The following FRMD6 variants were observed in gnomAD, a reference collection of about 807,000 sequenced individuals.
The protein encoded by FRMD6 is FERM domain-containing protein 6.
Under a neutral mutation model 73.2 loss-of-function variants are expected in FRMD6, and 37 were observed. The observed-to-expected ratio is 0.51, with a 90% CI of 0.39 to 0.66. FRMD6 has a LOEUF of 0.66. Ranked by LOEUF, FRMD6 falls within the 30% of genes least tolerant of loss-of-function variation. FRMD6 has a pLI of 0.00. For synonymous variants in FRMD6, 273 were observed against 282.2 expected (o/e 0.97, Z 0.33); for missense variants, 714 against 780.5 (o/e 0.91, Z 1.02).
At chr14:51,707,819 A>G (rs1012565884) in intron 6 of FRMD6, among the ~76,000 whole-genome samples, 3 of 152,182 alleles carry the variant, frequency 2.0e-5, no homozygotes, top group African/African-American at 7.2e-5. Context: ...TAAAGCAAAG[A>G]TAACTTATTT....
At chr14:51,399,705 C>G in the FRMD6 span, among the ~76,000 whole-genome samples, 1 of 152,110 alleles carries the variant, frequency 6.6e-6, no homozygotes, top group East Asian at 1.9e-4. Context: ...GTGTTTCTCT[C>G]TATCTAAGAG....
chr14:51,539,082 G>T (rs915983076), intron 1 of FRMD6, among the ~76,000 whole-genome samples: 2 of 151,988 alleles, frequency 1.3e-5, no homozygotes, highest in African/African-American at 4.8e-5. Flanking sequence ...TTTTTGATGG[G>T]TCCTGCTTCC....
chr14:51,692,193 A>C (rs1185820455), intron 2 of FRMD6, among the ~76,000 whole-genome samples: 1 of 152,098 alleles, frequency 6.6e-6, no homozygotes, highest in Non-Finnish European at 1.5e-5. Flanking sequence ...AGGGTAACTG[A>C]AATTGTTTTT....
the FRMD6 span, among the ~76,000 whole-genome samples, chr14:51,404,133 C>A: frequency 9.2e-5 from 14 of 152,240 alleles, no homozygotes; most frequent in South Asian, 2.9e-3. Flanking sequence ...GCTTGAAATA[C>A]TATTGCATTG....
chr14:51,640,046 G>A (rs996342872), intron 2 of FRMD6, among the ~76,000 whole-genome samples: 1 of 152,150 alleles, frequency 6.6e-6, no homozygotes, highest in Non-Finnish European at 1.5e-5. Flanking sequence ...AGACTGGTAG[G>A]TTCCAGTGCT....
intron 1 of FRMD6, among the ~76,000 whole-genome samples, chr14:51,541,776 G>A (rs191581188): frequency 1.6e-3 from 249 of 152,232 alleles, no homozygotes; most frequent in African/African-American, 5.7e-3. Context: ...GACTCCAGAT[G>A]TCACAGGAAG....
At chr14:51,427,777 A>G in the FRMD6 span, among the ~76,000 whole-genome samples, 13,229 of 152,256 alleles carry the variant, frequency 0.087, 613 homozygotes, top group East Asian at 0.12. Context: ...GGAAGTTTGC[A>G]AGCTTTCTGA....
chr14:51,421,599 C>A, the FRMD6 span, among the ~76,000 whole-genome samples: 20 of 152,112 alleles, frequency 1.3e-4, no homozygotes, highest in Non-Finnish European at 2.8e-4. Flanking sequence ...AGCAAAAGAA[C>A]CGTAAGAGCC....
chr14:51,625,030 T>C (rs1891065366), intron 2 of FRMD6, among the ~76,000 whole-genome samples: 1 of 152,226 alleles, frequency 6.6e-6, no homozygotes, highest in Admixed American at 6.5e-5. Flanking sequence ...ACTTGAAGAC[T>C]GCACAGTTAA....
At chr14:51,588,902 C>A (rs765656770) in intron 2 of FRMD6, among the ~76,000 whole-genome samples, 1 of 152,136 alleles carries the variant, frequency 6.6e-6, no homozygotes, top group Non-Finnish European at 1.5e-5. Flanking sequence ...GGGGACTGTG[C>A]GCCACGGCTG....
the FRMD6 span, among the ~76,000 whole-genome samples, chr14:51,419,657 C>T: frequency 6.6e-6 from 1 of 152,290 alleles, no homozygotes; most frequent in South Asian, 2.1e-4. Flanking sequence ...GATTTAATTT[C>T]CTTTCAGAAG....
intron 1 of FRMD6, among the ~76,000 whole-genome samples, chr14:51,512,748 C>A (rs1437873015): frequency 6.6e-6 from 1 of 152,104 alleles, no homozygotes; most frequent in Non-Finnish European, 1.5e-5. Context: ...TTCTTTCCCC[C>A]AGGCTGGAAC....
At chr14:51,701,026 G>T in intron 3 of FRMD6, 30 bp from the exon 4 acceptor site, 4 of 1,083,064 alleles carry the variant, frequency 3.7e-6, no homozygotes, top group Middle Eastern at 2.1e-4. Context: ...CCTTTCTTTA[G>T]CATGTCGTCT....
intron 1 of FRMD6, among the ~76,000 whole-genome samples, chr14:51,527,272 C>A (rs746508160): frequency 1.3e-5 from 2 of 152,254 alleles, no homozygotes; most frequent in Non-Finnish European, 2.9e-5. Context: ...CACTGAACAT[C>A]TTTCATCTGA....
intron 1 of FRMD6, among the ~76,000 whole-genome samples, chr14:51,689,120 G>A (rs1344974000): frequency 6.6e-6 from 1 of 152,166 alleles, no homozygotes; most frequent in Non-Finnish European, 1.5e-5. Context: ...TAAGAAGAAT[G>A]TTGTAAGGAG....
chr14:51,667,369 G>T (rs1239636584), intron 1 of FRMD6, among the ~76,000 whole-genome samples: 1 of 152,124 alleles, frequency 6.6e-6, no homozygotes, highest in African/African-American at 2.4e-5. Context: ...TCGGAAGAAT[G>T]AAGTAATATG....
chr14:51,517,013 A>G (rs1046961094), intron 1 of FRMD6, among the ~76,000 whole-genome samples: 3 of 152,178 alleles, frequency 2.0e-5, no homozygotes, highest in Admixed American at 1.3e-4. Flanking sequence ...TTGCCTCCAA[A>G]TTGTAATGTC....
intron 1 of FRMD6, among the ~76,000 whole-genome samples, chr14:51,660,503 T>A (rs1893141856): frequency 6.6e-6 from 1 of 151,518 alleles, no homozygotes. Context: ...AAAAGACAAC[T>A]ATGAAATTAA....
At chr14:51,561,981 G>A (rs1887508379) in intron 1 of FRMD6, among the ~76,000 whole-genome samples, 1 of 152,130 alleles carries the variant, frequency 6.6e-6, no homozygotes, top group Non-Finnish European at 1.5e-5. Context: ...TCCAGAATTA[G>A]CCAATTCAGC....
Sources: gnomAD v4.1 joint callset for allele counts (sites outside exome capture counted in the v4.1 genomes callset) on GRCh38, gnomAD v4.1.1 for gene constraint, MANE v1.5 for transcripts, NCBI Gene and HGNC (gene_info 2026-07-23, HGNC 2026-07-21) for gene names.